Variants in CAMK4 observed in about 807,000 individuals in gnomAD.
CAMK4 encodes calcium/calmodulin dependent protein kinase IV.
CAMK4 carries 22 observed loss-of-function variants against 44.9 expected under a neutral mutation model. That is an observed-to-expected ratio of 0.49 (90% CI 0.35 to 0.70). The LOEUF is 0.70. CAMK4 is among the 30% of genes least tolerant of loss of function. The pLI, the probability that CAMK4 is intolerant of heterozygous loss-of-function variation, is 0.01. For missense variants in CAMK4, 498 were observed against 586.8 expected, an observed-to-expected ratio of 0.85 and a Z score of 1.56; for synonymous variants, 218 against 215.4, an observed-to-expected ratio of 1.01 and a Z score of -0.11.
At chr5:111,410,294 A>G (rs1016614492) in intron 5 of CAMK4, among the ~76,000 whole-genome samples, 2 of 152,318 alleles carry the variant, frequency 1.3e-5, no homozygotes, top group Middle Eastern at 3.4e-3. Flanking sequence ...GGCGACAGTC[A>G]AGAGGGCTTG....
chr5:111,411,165 C>G (rs1561470321), intron 5 of CAMK4, among the ~76,000 whole-genome samples: 1 of 152,172 alleles, frequency 6.6e-6, no homozygotes, highest in Non-Finnish European at 1.5e-5. Context: ...CAGGAGGAGA[C>G]TTGTGTGTTC....
chr5:111,487,277 T>C lies in CAMK4; in HGVS notation c.*2811T>C, dbSNP rs980959411. 1 of 152,192 alleles carries C rather than the reference T, an allele frequency of 6.6e-6. No individual in the cohort carries two copies. Among genetic ancestry groups the C allele is most frequent in the African/African-American group, 2.4e-5 (1 of 41,458 alleles). The allele number at this position is 152,192 out of a possible 1,614,324, so 9.4% of individuals were successfully genotyped here. A position where few individuals can be genotyped will look rare whatever the true frequency, so the allele number is the denominator to read the frequency against. The stretch of plus-strand genomic sequence containing the variant: ...AGCTAACACTTATCACATTACATTA[T>C]GGGTTTTTATTTTGAGATAAGTTCA... On this transcript the variant is annotated 3_prime_UTR_variant, in exon 11 of 11. Transcript: ENST00000282356.
intron 1 of CAMK4, among the ~76,000 whole-genome samples, chr5:111,286,236 A>G (rs1751234711): frequency 6.6e-6 from 1 of 152,162 alleles, no homozygotes; most frequent in Non-Finnish European, 1.5e-5. Context: ...TTTTGAGGTA[A>G]TTCTTAGCAT....
upstream of CAMK4, chr5:111,224,005 C>T (rs1489702852): frequency 6.4e-6 from 1 of 155,206 alleles, no homozygotes; most frequent in East Asian, 1.9e-4. This position sits in a 1 kb window ranked among gnomAD's most constrained non-coding sequence, Gnocchi z 5.7. Flanking sequence ...AGAGCAGCGT[C>T]CCGCTGCGCA....
intron 1 of CAMK4, among the ~76,000 whole-genome samples, chr5:111,299,163 C>A (rs1561394344): frequency 1.3e-5 from 2 of 152,226 alleles, no homozygotes; most frequent in Admixed American, 6.5e-5. Context: ...CAGGAGTAGG[C>A]CAAGGCGACC....
intron 5 of CAMK4, among the ~76,000 whole-genome samples, chr5:111,419,241 C>A (rs907315941): frequency 7.2e-5 from 11 of 152,168 alleles, no homozygotes; most frequent in African/African-American, 2.7e-4. Context: ...TAAATATCTT[C>A]TTTTGAGAAG....
intron 1 of CAMK4, among the ~76,000 whole-genome samples, chr5:111,258,706 A>G (rs1378066873): frequency 6.6e-6 from 1 of 150,766 alleles, no homozygotes; most frequent in Non-Finnish European, 1.5e-5. Flanking sequence ...GACACAGCCA[A>G]ATCATATCAC....
chr5:111,372,290 C>T (rs946630119), intron 2 of CAMK4, among the ~76,000 whole-genome samples: 2 of 152,092 alleles, frequency 1.3e-5, no homozygotes, highest in African/African-American at 4.8e-5. Flanking sequence ...GGGAACCAAG[C>T]CTCCCATCTC....
At chr5:111,358,351 T>C (rs1192794943) in intron 2 of CAMK4, among the ~76,000 whole-genome samples, 1 of 152,062 alleles carries the variant, frequency 6.6e-6, no homozygotes, top group Non-Finnish European at 1.5e-5. Context: ...TGGGATGCAG[T>C]ATGAACACAG....
chr5:111,414,132 C>T (rs1316589535), intron 5 of CAMK4, among the ~76,000 whole-genome samples: 2 of 152,140 alleles, frequency 1.3e-5, no homozygotes, highest in Non-Finnish European at 2.9e-5. Flanking sequence ...AGACTTTGGA[C>T]TAAGTATTCA....
chr5:111,427,254 G>A (rs1753260124), intron 5 of CAMK4, among the ~76,000 whole-genome samples: 1 of 152,146 alleles, frequency 6.6e-6, no homozygotes, highest in Non-Finnish European at 1.5e-5. Context: ...TGGGCCAGAA[G>A]GGAACCTGAT....
chr5:111,395,993 C>T (rs1751992527), intron 5 of CAMK4, among the ~76,000 whole-genome samples: 1 of 152,002 alleles, frequency 6.6e-6, no homozygotes, highest in Admixed American at 6.6e-5. Context: ...AAGTCAGCCA[C>T]AGTGACAGAA....
At chr5:111,356,650 G>C (rs546428830) in intron 2 of CAMK4, among the ~76,000 whole-genome samples, 1 of 152,186 alleles carries the variant, frequency 6.6e-6, no homozygotes, top group Non-Finnish European at 1.5e-5. Context: ...TAACATGTAA[G>C]TCTTTTATCC....
In CAMK4 at chr5:111,346,502, C is replaced by CTATCTATCTATCTATCTATCTATCTATA. The variant is rs1196667647; in HGVS notation, c.240+2413_240+2414insATCTATCTATCTATATATCTATCTATCT. ...AAACTTTATCTATCTATCTATCTAT[C>CTATCTATCTATCTATCTATCTATCTATA]TATCTATCTATCTCCATCCATCTAT... On this transcript the variant is annotated intron_variant, in intron 2 of 10. Transcript: ENST00000282356. 2.1e-3 allele frequency among the ~76,000 whole-genome samples: 326 copies of CTATCTATCTATCTATCTATCTATCTATA among 151,834 alleles called. 1 individual carries two copies. Among genetic ancestry groups the CTATCTATCTATCTATCTATCTATCTATA allele is most frequent in the African/African-American group, 7.6e-3 (316 of 41,426 alleles).
At chr5:111,317,876 C>T (rs1049076485) in intron 1 of CAMK4, among the ~76,000 whole-genome samples, 1 of 97,972 alleles carries the variant, frequency 1.0e-5, no homozygotes, top group Non-Finnish European at 1.9e-5. Flanking sequence ...ATTCAGAATC[C>T]TAAAGCCGGT....
intron 5 of CAMK4, among the ~76,000 whole-genome samples, chr5:111,436,674 C>T (rs1753657605): frequency 6.6e-6 from 1 of 152,224 alleles, no homozygotes; most frequent in Admixed American, 6.5e-5. Flanking sequence ...TGCCTTTGAA[C>T]TTGCCCACTT....
intron 5 of CAMK4, among the ~76,000 whole-genome samples, chr5:111,422,085 T>C (rs1028225507): frequency 1.3e-5 from 2 of 152,256 alleles, no homozygotes; most frequent in South Asian, 2.1e-4. Context: ...TTATTAGGAG[T>C]GTGAGAACGG....
intron 2 of CAMK4, among the ~76,000 whole-genome samples, chr5:111,348,794 A>G (rs1033130665): frequency 1.2e-4 from 19 of 152,066 alleles, no homozygotes; most frequent in African/African-American, 4.6e-4. Flanking sequence ...GTGGAGAAAC[A>G]TAATTCAACA....
intron 1 of CAMK4, among the ~76,000 whole-genome samples, chr5:111,309,590 G>C (rs1195980596): frequency 2.0e-5 from 3 of 152,136 alleles, no homozygotes; most frequent in Admixed American, 1.3e-4. Context: ...TTTACTGCCT[G>C]CTTAGTCATC....
Sources: gnomAD v4.1 joint callset for allele counts (sites outside exome capture counted in the v4.1 genomes callset) on GRCh38, gnomAD v4.1.1 for gene constraint, Gnocchi (gnomAD v3.1) non-coding constraint, MANE v1.5 for transcripts, NCBI Gene and HGNC (gene_info 2026-07-23, HGNC 2026-07-21) for gene names.